Variants in NEGR1 observed in about 807,000 individuals in gnomAD.
NEGR1 encodes IgLON family member 4.
A neutral mutation model predicts 40.9 loss-of-function variants in NEGR1; 10 were observed. The ratio of observed to expected loss-of-function variants is 0.24; its 90% CI spans 0.15 to 0.42. NEGR1 has a LOEUF of 0.42. NEGR1 is among the 10% of genes least tolerant of loss of function. The pLI is 1.00. For synonymous variants in NEGR1, 185 were observed against 166.8 expected (o/e 1.11, Z -0.84); for missense variants, 352 against 438.9 (o/e 0.80, Z 1.77).
intron 4 of NEGR1, among the ~76,000 whole-genome samples, chr1:71,683,093 T>C (rs988342467): frequency 2.6e-5 from 4 of 152,172 alleles, no homozygotes; most frequent in African/African-American, 9.7e-5. Context: ...GCTGCAGACT[T>C]ATTTTGGGTA....
chr1:71,450,262 T>G (rs1485498319), intron 6 of NEGR1, among the ~76,000 whole-genome samples: 1 of 151,930 alleles, frequency 6.6e-6, no homozygotes, highest in Non-Finnish European at 1.5e-5. Context: ...GTGCTGGGAT[T>G]ACAGGTGTGA....
intron 4 of NEGR1, 182 bp downstream of exon 4, chr1:71,697,826 A>T (rs1653535252): frequency 1.7e-6 from 1 of 585,078 alleles, no homozygotes; most frequent in South Asian, 2.2e-5. Context: ...TTTACTTGGG[A>T]CAATTGTTGT....
intron 1 of NEGR1, among the ~76,000 whole-genome samples, chr1:72,148,617 A>G (rs1651000370): frequency 6.6e-6 from 1 of 152,176 alleles, no homozygotes; most frequent in Non-Finnish European, 1.5e-5. Context: ...AGCTTTTAAC[A>G]GCACCCAAGT....
intron 6 of NEGR1, among the ~76,000 whole-genome samples, chr1:71,535,544 A>AT (rs1325890429): frequency 2.6e-5 from 4 of 151,650 alleles, no homozygotes; most frequent in African/African-American, 9.7e-5. Flanking sequence ...TCAATCCAAG[A>AT]TTTTTTTCCC....
chr1:72,272,701 AC>A (rs1435976882), intron 1 of NEGR1, among the ~76,000 whole-genome samples: 1 of 151,954 alleles, frequency 6.6e-6, no homozygotes, highest in Non-Finnish European at 1.5e-5. Flanking sequence ...GGCAGTAGCC[AC>A]AGCTTTAAAC....
intron 1 of NEGR1, among the ~76,000 whole-genome samples, chr1:72,049,088 T>A (rs1170702152): frequency 1.3e-5 from 2 of 151,452 alleles, no homozygotes; most frequent in Non-Finnish European, 3.0e-5. Flanking sequence ...CTAGAAGGGC[T>A]GAGTCAAGAG....
chr1:72,135,483 A>G (rs1490052597), intron 1 of NEGR1, among the ~76,000 whole-genome samples: 2 of 151,086 alleles, frequency 1.3e-5, no homozygotes, highest in African/African-American at 4.8e-5. Context: ...GGACTGAAGG[A>G]CAGTGATCTC....
chr1:72,157,496 T>C (rs1570054888), intron 1 of NEGR1, among the ~76,000 whole-genome samples: 1 of 152,148 alleles, frequency 6.6e-6, no homozygotes, highest in Non-Finnish European at 1.5e-5. Flanking sequence ...ATATTTCTTA[T>C]AGACAGATAT....
chr1:72,178,023 G>A (rs1203794191), intron 1 of NEGR1, among the ~76,000 whole-genome samples: 1 of 151,988 alleles, frequency 6.6e-6, no homozygotes, highest in Non-Finnish European at 1.5e-5. Flanking sequence ...TATTAACCTA[G>A]TTCTCAGATG....
intron 1 of NEGR1, among the ~76,000 whole-genome samples, chr1:72,162,705 G>A (rs1470095971): frequency 6.6e-6 from 1 of 152,068 alleles, no homozygotes; most frequent in Non-Finnish European, 1.5e-5. Flanking sequence ...CAAACCTCCA[G>A]AAATCCCCTG....
intron 4 of NEGR1, among the ~76,000 whole-genome samples, chr1:71,664,187 G>A (rs1454602301): frequency 1.3e-5 from 2 of 152,120 alleles, no homozygotes; most frequent in Admixed American, 6.5e-5. Context: ...TGTACCACAA[G>A]CTCACTGTAT....
At chr1:71,533,726 C>G (rs1233485436) in intron 6 of NEGR1, among the ~76,000 whole-genome samples, 8 of 151,540 alleles carry the variant, frequency 5.3e-5, no homozygotes, top group Admixed American at 3.3e-4. Flanking sequence ...TATTTTTAAA[C>G]TTATCTTCTT....
At chr1:71,563,040 T>C (rs1437511833) in intron 6 of NEGR1, among the ~76,000 whole-genome samples, 1 of 151,958 alleles carries the variant, frequency 6.6e-6, no homozygotes, top group African/African-American at 2.4e-5. Context: ...TTGCACATTA[T>C]CTAAAAATGG....
chr1:72,192,808 C>T (rs959048379), intron 1 of NEGR1, among the ~76,000 whole-genome samples: 1 of 151,804 alleles, frequency 6.6e-6, no homozygotes, highest in African/African-American at 2.4e-5. Context: ...TTATAAATAT[C>T]ATTAAATGGT....
At chr1:71,949,451 A>T (rs986204359) in intron 1 of NEGR1, among the ~76,000 whole-genome samples, 2 of 152,158 alleles carry the variant, frequency 1.3e-5, no homozygotes, top group African/African-American at 4.8e-5. Flanking sequence ...TGTGAAGTGT[A>T]GTAAGAAGTT....
chr1:71,426,623 G>T (rs1646430246), intron 6 of NEGR1, among the ~76,000 whole-genome samples: 1 of 152,150 alleles, frequency 6.6e-6, no homozygotes, highest in African/African-American at 2.4e-5. Context: ...ATGTAAATCT[G>T]ATTTCCTTAC....
chr1:72,125,805 T>G (rs745997882), intron 1 of NEGR1, among the ~76,000 whole-genome samples: 7 of 152,114 alleles, frequency 4.6e-5, no homozygotes, highest in Non-Finnish European at 8.8e-5. Flanking sequence ...TTGAAAGTAA[T>G]TAATATTCTT....
At chr1:72,044,635 T>C (rs1435641377) in intron 1 of NEGR1, among the ~76,000 whole-genome samples, 3 of 151,836 alleles carry the variant, frequency 2.0e-5, no homozygotes, top group Admixed American at 6.6e-5. Context: ...CATAAAATCA[T>C]ACTTTCATTC....
At chr1:71,575,338 T>C (rs1407853429) in intron 6 of NEGR1, among the ~76,000 whole-genome samples, 1 of 152,174 alleles carries the variant, frequency 6.6e-6, no homozygotes, top group African/African-American at 2.4e-5. Context: ...TCTGTGAAAT[T>C]TGAGGGCACA....
Sources: allele counts gnomAD v4.1 joint callset (sites outside exome capture counted in the v4.1 genomes callset), GRCh38; gene constraint gnomAD v4.1.1; transcripts MANE v1.5; gene names NCBI Gene and HGNC (gene_info 2026-07-23, HGNC 2026-07-21).